The following TEX264 variants were observed in gnomAD, a reference collection of about 807,000 sequenced individuals.
The protein encoded by TEX264 is testis-expressed protein 264.
A neutral mutation model predicts 23.4 loss-of-function variants in TEX264; 13 were observed. That is an observed-to-expected ratio of 0.56 (90% CI 0.36 to 0.88). The LOEUF is 0.88. TEX264 is among the 40% of genes least tolerant of loss of function. The pLI is 0.01. For missense variants in TEX264, 340 were observed against 406.8 expected (o/e 0.84, Z 1.41); for synonymous variants, 159 against 170.0 (o/e 0.94, Z 0.50).
In TEX264 at chr3:51,686,052, A is replaced by G. The variant is rs1702609167; in HGVS notation, c.480+1418A>G. 6.6e-6 allele frequency among the ~76,000 whole-genome samples: 1 copy of G among 151,892 alleles called. No individual in the cohort carries two copies. Among genetic ancestry groups the G allele is most frequent in the African/African-American group, 2.4e-5 (1 of 41,300 alleles). On this transcript the variant is annotated intron_variant, in intron 3 of 4. Coordinates refer to ENST00000341333, the MANE Select transcript of TEX264 (RefSeq NM_015926.6). The surrounding 1 kb of genome is among the most constrained non-coding windows in gnomAD (Gnocchi z 4.1). ...CCCTGGTTTTGGGGGGAAGGTAGCT[A>G]TTTGGGCTATGTCAGGGGAGCTGCC...
At chr3:51,699,318 G>A (rs747177668) in intron 3 of TEX264, 88 bp from the exon 4 acceptor site, 22 of 1,400,854 alleles carry the variant, frequency 1.6e-5, no homozygotes, top group African/African-American at 4.3e-5. Context: ...GGACAGAATA[G>A]GTAATAGACA....
chr3:51,693,549 G>T (rs554757139), intron 3 of TEX264, among the ~76,000 whole-genome samples: 1 of 149,618 alleles, frequency 6.7e-6, no homozygotes, highest in African/African-American at 2.5e-5. Context: ...GCACGATCGC[G>T]GCTCACTGCA....
chr3:51,681,040 T>C (rs1702412627), intron 2 of TEX264, among the ~76,000 whole-genome samples: 1 of 152,096 alleles, frequency 6.6e-6, no homozygotes, highest in Non-Finnish European at 1.5e-5. Context: ...GGCCACTTAG[T>C]GGGTGGTAGG....
intron 1 of TEX264, among the ~76,000 whole-genome samples, chr3:51,673,883 G>C (rs1398806510): frequency 6.6e-6 from 1 of 152,186 alleles, no homozygotes; most frequent in Non-Finnish European, 1.5e-5. Context: ...GGGAGGAAGA[G>C]GTAATGTGGA....
chr3:51,702,488 C>G (rs995082288), intron 4 of TEX264, among the ~76,000 whole-genome samples: 1 of 152,166 alleles, frequency 6.6e-6, no homozygotes, highest in Admixed American at 6.5e-5. Context: ...AAATTCCCCC[C>G]TCTCCTAATT....
chr3:51,674,562 G>T lies in TEX264; in HGVS notation c.258G>T (p.Met86Ile). 6.2e-7 allele frequency: 1 copy of T among 1,613,804 alleles called. No individual in the cohort carries two copies. Among genetic ancestry groups the T allele is most frequent in the Non-Finnish European group, 8.5e-7 (1 of 1,179,806 alleles). The change falls in exon 2 of 5, where the codon ATG (methionine) becomes ATT (isoleucine). Residue 86 changes from methionine to isoleucine, a missense_variant and splice_region_variant. Physicochemically the swap from Met to Ile is conservative, Grantham distance 10. Transcript: ENST00000341333. ...CTGTCTACTATGACAACCCCCACATGGTAAGGAGTCTCCATGGGGTTCTGC... is the reference window on the plus strand; with the variant it reads ...CTGTCTACTATGACAACCCCCACATTGTAAGGAGTCTCCATGGGGTTCTGC... The part of the protein sequence containing the change: ...SIAVYYDNPH[M>I]VPPDKCRCAV...
At chr3:51,688,645 G>A (rs1423093644) in intron 3 of TEX264, among the ~76,000 whole-genome samples, 1 of 152,218 alleles carries the variant, frequency 6.6e-6, no homozygotes, top group Non-Finnish European at 1.5e-5. Flanking sequence ...CATTGTTCAT[G>A]TAGTGGCTGA....
In TEX264 at chr3:51,691,512, CT is replaced by C. The variant is rs1289833830; in HGVS notation, c.480+6880del. 3.3e-5 allele frequency among the ~76,000 whole-genome samples: 5 copies of C among 152,190 alleles called. No homozygotes were observed. Among genetic ancestry groups the C allele is most frequent in the African/African-American group, 1.2e-4 (5 of 41,422 alleles). On this transcript the variant is annotated intron_variant, in intron 3 of 4. Coordinates refer to ENST00000341333, the MANE Select transcript of TEX264 (RefSeq NM_015926.6). The surrounding 1 kb of genome is among the most constrained non-coding windows in gnomAD (Gnocchi z 4.4). ...ATTCGCTGGGAAAGGCAAAACAACC[CT>C]TGTGCGGTGGTGGCATTTGGGCTGC...
chr3:51,695,267 C>T (rs1257387549), intron 3 of TEX264, among the ~76,000 whole-genome samples: 1 of 152,236 alleles, frequency 6.6e-6, no homozygotes, highest in African/African-American at 2.4e-5. Context: ...AGCCAGACCT[C>T]ATCCCTTGCT....
At position 51,671,297 on chromosome 3, in the gene TEX264, C is replaced by G. The variant is rs925553027; in HGVS notation, c.-35+9C>G. ...AGCGGGCGGCTGCTGAGGTGAGGGC[C>G]GGGCCAGAGGAGAGGCATACCCACT... On this transcript the variant is annotated intron_variant, in intron 1 of 4. Coordinates refer to ENST00000341333, the MANE Select transcript of TEX264 (RefSeq NM_015926.6). 1 of 152,182 alleles carries G rather than the reference C, an allele frequency of 6.6e-6. No homozygotes were observed. Among genetic ancestry groups the G allele is most frequent in the Admixed American group, 6.5e-5 (1 of 15,286 alleles). 9.4% of individuals were successfully genotyped at this position (152,182 alleles called of 1,614,324 possible).
At chr3:51,675,286 A>C (rs1702191511) in intron 2 of TEX264, among the ~76,000 whole-genome samples, 1 of 152,210 alleles carries the variant, frequency 6.6e-6, no homozygotes, top group Non-Finnish European at 1.5e-5. Flanking sequence ...ACCTACTGCT[A>C]TGCTATGGGG....
chr3:51,691,525 G>A lies in TEX264; in HGVS notation c.480+6891G>A, dbSNP rs1702827487. Among the ~76,000 whole-genome samples, 1 of 152,184 alleles carries A rather than the reference G, an allele frequency of 6.6e-6. No individual in the cohort carries two copies. Among genetic ancestry groups the A allele is most frequent in the Admixed American group, 6.5e-5 (1 of 15,280 alleles). ...GGCAAAACAACCCTTGTGCGGTGGT[G>A]GCATTTGGGCTGCACCTATAAGGTA... is the stretch of plus-strand genomic sequence containing the variant. On this transcript the variant is annotated intron_variant, in intron 3 of 4. Transcript: ENST00000341333. This position sits in a 1 kb window ranked among gnomAD's most constrained non-coding sequence, Gnocchi z 4.4.
chr3:51,695,978 G>T (rs1254417824), intron 3 of TEX264, among the ~76,000 whole-genome samples: 6 of 152,146 alleles, frequency 3.9e-5, no homozygotes, highest in Non-Finnish European at 8.8e-5. Flanking sequence ...GTGTGTCTGA[G>T]GGACTGGAAC....
chr3:51,697,060 T>C (rs1703086398), intron 3 of TEX264, among the ~76,000 whole-genome samples: 1 of 152,230 alleles, frequency 6.6e-6, no homozygotes, highest in Non-Finnish European at 1.5e-5. Context: ...CTGTCTCCCT[T>C]GATCCTCTGT....
At chr3:51,671,497 G>C (rs1011677047) in intron 1 of TEX264, 1 of 154,714 alleles carries the variant, frequency 6.5e-6, no homozygotes, top group African/African-American at 2.4e-5. Flanking sequence ...ACTCTTCCGG[G>C]CAGCCCACTT....
At chr3:51,685,755 T>G (rs1702600868) in intron 3 of TEX264, among the ~76,000 whole-genome samples, 1 of 152,226 alleles carries the variant, frequency 6.6e-6, no homozygotes, top group Non-Finnish European at 1.5e-5. Flanking sequence ...GTGGAGATGC[T>G]TAGGCCTGGG....
Position 51,703,745 on chromosome 3 carries a change from C to G in TEX264, c.671C>G (p.Thr224Arg). 1 of 1,593,488 alleles carries G rather than the reference C, an allele frequency of 6.3e-7. No individual in the cohort carries two copies. Among genetic ancestry groups the G allele is most frequent in the Non-Finnish European group, 8.6e-7 (1 of 1,164,532 alleles). The change falls in exon 5 of 5, where the codon ACG (threonine) becomes AGG (arginine). Residue 224 changes from threonine to arginine, a missense_variant. Transcript: ENST00000341333. This position sits in a 1 kb window ranked among gnomAD's most constrained non-coding sequence, Gnocchi z 4.8. The stretch of plus-strand genomic sequence containing the variant: ...ATAGGAGCTGACACAATGAGTGACA[C>G]GAGTTCTGTAAGCTTGGAAGTGAGC... ...DGTGADTMSD[T>R]SSVSLEVSPG...
At chr3:51,690,088 C>T (rs1259276353) in intron 3 of TEX264, among the ~76,000 whole-genome samples, 1 of 152,124 alleles carries the variant, frequency 6.6e-6, no homozygotes, top group African/African-American at 2.4e-5. Flanking sequence ...AGCCTGGCCA[C>T]AGCCTGTGTT....
Position 51,684,654 on chromosome 3 carries a change from T to G in TEX264, c.480+20T>G. Reference sequence around the variant, plus strand: ...ATCAAGGTGAGGCACAGGCCTGGGGTGTGTGTGTTGGGGACAGCCAGGCCC... The same window carrying G: ...ATCAAGGTGAGGCACAGGCCTGGGGGGTGTGTGTTGGGGACAGCCAGGCCC... On this transcript the variant is annotated intron_variant, in intron 3 of 4. Coordinates refer to ENST00000341333, the MANE Select transcript of TEX264 (RefSeq NM_015926.6). 1.2e-6 allele frequency: 2 copies of G among 1,610,582 alleles called. No homozygotes were observed. The highest frequency in any genetic ancestry group is 1.3e-5 in the African/African-American group (1 of 74,852).
Sources: allele counts gnomAD v4.1 joint callset (sites outside exome capture counted in the v4.1 genomes callset), GRCh38; gene constraint gnomAD v4.1.1; non-coding constraint Gnocchi (gnomAD v3.1); transcripts MANE v1.5; gene names NCBI Gene and HGNC (gene_info 2026-07-23, HGNC 2026-07-21).